NR3C1: variants seen among roughly 807,000 people sequenced by gnomAD.
The protein encoded by NR3C1 is nuclear receptor subfamily 3 group C member 1, also known as glucocorticoid receptor.
In NR3C1, 14 loss-of-function variants were observed where a neutral mutation model predicts 74.0. That is an observed-to-expected ratio of 0.19 (90% CI 0.12 to 0.30). NR3C1 has a LOEUF of 0.30. NR3C1 is among the 10% of genes least tolerant of loss of function. NR3C1 has a pLI of 1.00. For missense variants in NR3C1, 695 were observed against 909.8 expected (o/e 0.76, Z 3.04); for synonymous variants, 308 against 332.5 (o/e 0.93, Z 0.80).
chr5:143,382,580 G>A (rs1176213177), intron 2 of NR3C1, among the ~76,000 whole-genome samples: 2 of 152,216 alleles, frequency 1.3e-5, no homozygotes, highest in Non-Finnish European at 2.9e-5. Context: ...CATTTTAAAA[G>A]TGAGGAAACA....
At chr5:143,403,164 C>T in intron 1 of NR3C1, 47 bp downstream of exon 1, 1 of 984,690 alleles carries the variant, frequency 1.0e-6, no homozygotes, top group Non-Finnish European at 1.2e-6. Context: ...CCAGCGGCAC[C>T]TCGGGGGAGC....
intron 1 of NR3C1, 103 bp downstream of exon 1, chr5:143,403,108 T>G (rs1227271652): frequency 2.6e-5 from 12 of 460,704 alleles, no homozygotes; most frequent in African/African-American, 2.6e-4. Context: ...CCGAGGCTAA[T>G]AAAAGTTTGT....
intron 2 of NR3C1, among the ~76,000 whole-genome samples, chr5:143,388,567 A>G (rs1372962628): frequency 6.6e-6 from 1 of 152,210 alleles, no homozygotes; most frequent in African/African-American, 2.4e-5. Context: ...ATAAGACACA[A>G]ATAGATGATG....
rs149482341 is a variant in NR3C1 at position 143,413,139 on chromosome 5, C to A, written c.-13-12287G>T. Among the ~76,000 whole-genome samples, 12 of 152,262 alleles carry A rather than the reference C, an allele frequency of 7.9e-5. No individual in the cohort carries two copies. In the East Asian group the frequency reaches 2.3e-3, roughly 29 times the overall value. ...GAGGAAATGGAGACAGATACGGTTA[C>A]AAGTCATTATAGAACAATGCAGACT... On this transcript the variant is annotated intron_variant, in intron 1 of 8. Coordinates refer to the NR3C1 transcript ENST00000343796.
At chr5:143,320,854 A>G (rs10482662) in intron 2 of NR3C1, among the ~76,000 whole-genome samples, 10 of 152,192 alleles carry the variant, frequency 6.6e-5, no homozygotes, top group South Asian at 2.1e-4. Context: ...GAAAAACAGA[A>G]TAAGTCTTGA....
At position 143,309,987 on chromosome 5, in the gene NR3C1, T is replaced by C. The variant is rs372156967; in HGVS notation, c.1468+110A>G. 6.5e-5 allele frequency: 54 copies of C among 834,138 alleles called. 1 individual carries two copies. Among genetic ancestry groups the C allele is most frequent in the African/African-American group, 3.7e-4 (22 of 59,954 alleles). The allele number at this position is 834,138 out of a possible 1,614,324, so 51.7% of individuals were successfully genotyped here. A position where few individuals can be genotyped will look rare whatever the true frequency, so the allele number is the denominator to read the frequency against. ...ACATTATGCTAGTCAAGCATATATATACTGAACTGACTACATTAATTACAT... is the reference window on the plus strand; with the variant it reads ...ACATTATGCTAGTCAAGCATATATACACTGAACTGACTACATTAATTACAT... On this transcript the variant is annotated intron_variant, in intron 4 of 8. Transcript: ENST00000394464.
intron 4 of NR3C1, among the ~76,000 whole-genome samples, chr5:143,304,301 A>G (rs1819113056): frequency 1.3e-5 from 2 of 152,124 alleles, no homozygotes; most frequent in African/African-American, 4.8e-5. Context: ...CAAGAATGCA[A>G]TCCCATTTGT....
At chr5:143,368,134 T>TG (rs1283393052) in intron 2 of NR3C1, among the ~76,000 whole-genome samples, 4 of 152,206 alleles carry the variant, frequency 2.6e-5, no homozygotes, top group Admixed American at 6.5e-5. Flanking sequence ...GACCATTCAA[T>TG]GGGGAAAGAA....
At position 143,281,645 on chromosome 5, in the gene NR3C1, G is replaced by T. The variant is rs1259033609; in HGVS notation, c.*244C>A. On this transcript the variant is annotated 3_prime_UTR_variant, in exon 9 of 9. Coordinates refer to ENST00000394464, the MANE Select transcript of NR3C1 (RefSeq NM_000176.3). ...CACATATTAAGGTTTCTAATTTCTG[G>T]GATATATTAACTAATAAATTTCACC... 2.2e-6 allele frequency: 1 copy of T among 450,266 alleles called. No homozygotes were observed. Among genetic ancestry groups the T allele is most frequent in the Non-Finnish European group, 4.0e-6 (1 of 247,106 alleles). 27.9% of individuals were successfully genotyped at this position (450,266 alleles called of 1,614,324 possible). A position where few individuals can be genotyped will look rare whatever the true frequency, so the allele number is the denominator to read the frequency against.
intron 2 of NR3C1, among the ~76,000 whole-genome samples, chr5:143,317,230 A>G (rs1413649172): frequency 6.6e-6 from 1 of 152,206 alleles, no homozygotes; most frequent in African/African-American, 2.4e-5. Flanking sequence ...GGGTACAACA[A>G]AATGGTTAGA....
intron 1 of NR3C1, among the ~76,000 whole-genome samples, chr5:143,415,751 C>T (rs1160948918): frequency 6.6e-6 from 1 of 152,120 alleles, no homozygotes; most frequent in Non-Finnish European, 1.5e-5. Flanking sequence ...TGCTATTGTA[C>T]AATTATTATA....
At position 143,282,658 on chromosome 5, in the gene NR3C1, T is replaced by C; in HGVS notation, c.2091A>G (p.Leu697=). The C allele has an allele frequency of 1.2e-6, 2 of 1,614,100 alleles. No individual in the cohort carries two copies. The highest frequency in any genetic ancestry group is 1.1e-5 in the South Asian group (1 of 91,082). The change falls in exon 8 of 9, where the codon CTA becomes CTG. Residue 697 remains leucine (L), a synonymous_variant. Coordinates refer to ENST00000394464, the MANE Select transcript of NR3C1 (RefSeq NM_000176.3). The part of the protein sequence containing the change: ...DEIRMTYIKE[L]GKAIVKREGN... ...CTTCCCTCTTGACAATGGCTTTTCC[T>C]AGCTCTTTGATGTAGGTCATTCTAA...
chr5:143,424,965 C>T (rs978535126), intron 1 of NR3C1, among the ~76,000 whole-genome samples: 6 of 152,058 alleles, frequency 3.9e-5, no homozygotes, highest in African/African-American at 7.2e-5. Flanking sequence ...AGGCAAAGTT[C>T]GAGGACTCAC....
rs1838988608 is a variant in NR3C1 at position 143,395,252 on chromosome 5, C to T, written c.1184+4404G>A. Reference sequence around the variant, plus strand: ...GAATATTTTATTTACTTGAAAAATACAAAACCCAAGTATTAATAGAATATG... The same window carrying T: ...GAATATTTTATTTACTTGAAAAATATAAAACCCAAGTATTAATAGAATATG... On this transcript the variant is annotated intron_variant, in intron 2 of 8. Transcript: ENST00000394464. Among the ~76,000 whole-genome samples, 3 of 151,756 alleles carry T rather than the reference C, an allele frequency of 2.0e-5. No individual in the cohort carries two copies. The South Asian group carries it at 6.2e-4, about 31-fold the overall frequency.
At chr5:143,370,534 T>C (rs1040144162) in intron 2 of NR3C1, among the ~76,000 whole-genome samples, 7 of 152,208 alleles carry the variant, frequency 4.6e-5, no homozygotes, top group Non-Finnish European at 1.0e-4. Flanking sequence ...AACTGCATAT[T>C]TACAGAAGAG....
At chr5:143,369,438 C>T (rs1286249250) in intron 2 of NR3C1, among the ~76,000 whole-genome samples, 1 of 152,108 alleles carries the variant, frequency 6.6e-6, no homozygotes, top group Non-Finnish European at 1.5e-5. Context: ...AGAATGGACA[C>T]AACCTAAAAG....
chr5:143,282,090 G>A (rs754261612), intron 8 of NR3C1, 49 bp from the exon 9 acceptor site: 2 of 1,601,564 alleles, frequency 1.2e-6, no homozygotes, highest in African/African-American at 1.3e-5. Context: ...TGGTCAGTGG[G>A]AACATCTCAT....
intron 8 of NR3C1, 26 bp from the exon 9 acceptor site, chr5:143,282,067 C>A (rs767023947): frequency 1.2e-6 from 2 of 1,612,912 alleles, no homozygotes; most frequent in African/African-American, 2.7e-5. Flanking sequence ...TGGTAATGAT[C>A]AGGCTTCCAA....
chr5:143,404,524 C>G, upstream of NR3C1: 1 of 980,038 alleles, frequency 1.0e-6, no homozygotes, highest in Non-Finnish European at 1.2e-6. Flanking sequence ...GACCGTCCCC[C>G]ACCCTCTTCC....
Sources: gnomAD v4.1 joint callset for allele counts (sites outside exome capture counted in the v4.1 genomes callset) on GRCh38, gnomAD v4.1.1 for gene constraint, MANE v1.5 for transcripts, NCBI Gene and HGNC (gene_info 2026-07-23, HGNC 2026-07-21) for gene names.